Variants in CEP63 observed in about 807,000 individuals in gnomAD.
CEP63 encodes the protein centrosomal protein 63, also known as centrosomal protein of 63 kDa.
CEP63 carries 84 observed loss-of-function variants against 89.1 expected under a neutral mutation model. The ratio of observed to expected loss-of-function variants is 0.94; its 90% CI spans 0.79 to 1.13. CEP63 has a LOEUF of 1.13. Among genes scored for constraint, CEP63 ranks in the 50% most tolerant of loss-of-function variants. CEP63 has a pLI of 0.00. For synonymous variants in CEP63, 267 were observed against 272.5 expected, an observed-to-expected ratio of 0.98 and a Z score of 0.20; for missense variants, 838 against 813.3, an observed-to-expected ratio of 1.03 and a Z score of -0.37.
the CEP63 span, among the ~76,000 whole-genome samples, chr3:134,777,579 C>T: frequency 1.7e-4 from 24 of 144,860 alleles, no homozygotes; most frequent in Middle Eastern, 3.6e-3. Flanking sequence ...CTTTCACTTT[C>T]GGTAGACTTC....
At chr3:134,519,737 A>G (rs1027702040) in intron 3 of CEP63, among the ~76,000 whole-genome samples, 6 of 152,234 alleles carry the variant, frequency 3.9e-5, no homozygotes, top group Non-Finnish European at 8.8e-5. Flanking sequence ...TTTAGAAATT[A>G]CATACTAACT....
the CEP63 span, among the ~76,000 whole-genome samples, chr3:134,750,258 G>T: frequency 6.6e-6 from 1 of 152,212 alleles, no homozygotes. Flanking sequence ...GCCCCTGGCT[G>T]CAGTCTCTGG....
At chr3:134,629,930 T>C in the CEP63 span, among the ~76,000 whole-genome samples, 1 of 152,168 alleles carries the variant, frequency 6.6e-6, no homozygotes, top group African/African-American at 2.4e-5. Context: ...TGAATGCAAT[T>C]ATAAACAATG....
chr3:134,525,837 C>T (rs562753081), intron 3 of CEP63, among the ~76,000 whole-genome samples: 109 of 152,252 alleles, frequency 7.2e-4, no homozygotes, highest in Middle Eastern at 3.4e-3. Flanking sequence ...TATAGGTGAC[C>T]TGATCTTTCT....
chr3:134,575,165 C>CCCCT (rs1266168040), downstream of CEP63: 1 of 173,300 alleles, frequency 5.8e-6, no homozygotes, highest in Non-Finnish European at 9.8e-6. Flanking sequence ...CGTCCCCCTT[C>CCCCT]CCCTCCCTCC....
In CEP63 at chr3:134,545,704, T is replaced by A; in HGVS notation, c.674T>A (p.Leu225Ter). Residue 225 changes from leucine to a stop codon, truncating the protein, a stop_gained, in exon 7 of 15, where the codon TTG becomes TAG. Coordinates refer to ENST00000675561, the MANE Select transcript of CEP63 (RefSeq NM_001353108.3). LOFTEE classifies it high-confidence loss of function. ...RANDTICANE[L>*]EIERLTMRVN... ...AATGACACTATCTGTGCCAATGAGT[T>A]GGAAATAGAGCGCCTCACCATGAGG... 1 of 1,614,100 alleles carries A rather than the reference T, an allele frequency of 6.2e-7. No individual in the cohort carries two copies. The highest frequency in any genetic ancestry group is 8.5e-7 in the Non-Finnish European group (1 of 1,180,008).
the CEP63 span, among the ~76,000 whole-genome samples, chr3:134,618,154 C>T: frequency 3.3e-5 from 5 of 152,050 alleles, no homozygotes; most frequent in South Asian, 8.3e-4. Context: ...ACTCAGCAGC[C>T]GGGTAGGTGC....
At chr3:134,632,005 T>G in the CEP63 span, among the ~76,000 whole-genome samples, 1 of 152,106 alleles carries the variant, frequency 6.6e-6, no homozygotes, top group Non-Finnish European at 1.5e-5. Flanking sequence ...GGAGTTGCTA[T>G]GTTAATATCA....
chr3:134,522,766 T>C (rs908208852), intron 3 of CEP63, among the ~76,000 whole-genome samples: 1 of 152,178 alleles, frequency 6.6e-6, no homozygotes, highest in African/African-American at 2.4e-5. Context: ...TATGGCTGCA[T>C]AGTATTCCAA....
chr3:134,586,084 G>A (rs1241849476), intron 10 of CEP63, among the ~76,000 whole-genome samples: 2 of 151,914 alleles, frequency 1.3e-5, no homozygotes. Context: ...TTGAGCCTAT[G>A]TGTGTCTCTG....
At chr3:134,684,523 C>A in the CEP63 span, among the ~76,000 whole-genome samples, 2 of 152,220 alleles carry the variant, frequency 1.3e-5, no homozygotes, top group African/African-American at 4.8e-5. Flanking sequence ...ATCGCAAGGA[C>A]GCTTTCCTGC....
chr3:134,603,552 T>C, the CEP63 span: 5 of 1,543,368 alleles, frequency 3.2e-6, no homozygotes, highest in South Asian at 1.3e-5. Flanking sequence ...CTTGGCCCTT[T>C]GGGAGGGTAA....
At chr3:134,624,750 C>A in the CEP63 span, among the ~76,000 whole-genome samples, 5 of 152,100 alleles carry the variant, frequency 3.3e-5, no homozygotes, top group African/African-American at 7.2e-5. Context: ...CCAAAAGGGG[C>A]ATGGAGAAGG....
the CEP63 span, chr3:134,607,923 G>A: frequency 1.0e-6 from 1 of 991,842 alleles, no homozygotes; most frequent in African/African-American, 1.7e-5. Flanking sequence ...TGAGTTTGGA[G>A]GCTGGGGGCT....
the CEP63 span, among the ~76,000 whole-genome samples, chr3:134,670,166 T>G: frequency 1.3e-5 from 2 of 152,346 alleles, no homozygotes; most frequent in Admixed American, 1.3e-4. Context: ...AATAATAATT[T>G]ACTATAGCAG....
At chr3:134,625,245 A>G in the CEP63 span, 5 of 816,158 alleles carry the variant, frequency 6.1e-6, no homozygotes, top group African/African-American at 1.7e-5. Flanking sequence ...CTTTAACACA[A>G]TTCTCAAAGC....
At chr3:134,534,881 G>A (rs1950484095) in intron 5 of CEP63, among the ~76,000 whole-genome samples, 1 of 151,860 alleles carries the variant, frequency 6.6e-6, no homozygotes, top group Admixed American at 6.6e-5. Context: ...TCACCTTTGG[G>A]TTATATCTTC....
At chr3:134,693,053 C>T in the CEP63 span, among the ~76,000 whole-genome samples, 2 of 152,164 alleles carry the variant, frequency 1.3e-5, no homozygotes, top group African/African-American at 2.4e-5. Context: ...TTTTCTCCCC[C>T]TTTTCTTAAT....
chr3:134,531,142 A>G (rs1191993003), intron 3 of CEP63, among the ~76,000 whole-genome samples: 1 of 152,308 alleles, frequency 6.6e-6, no homozygotes, highest in East Asian at 1.9e-4. Context: ...TGACGTTACT[A>G]TTCTGTACTT....
Sources: allele counts gnomAD v4.1 joint callset (sites outside exome capture counted in the v4.1 genomes callset), GRCh38; gene constraint gnomAD v4.1.1; transcripts MANE v1.5; gene names NCBI Gene and HGNC (gene_info 2026-07-23, HGNC 2026-07-21).